The following ATRNL1 variants were observed in gnomAD, a reference collection of about 807,000 sequenced individuals.
ATRNL1 encodes attractin like 1.
In ATRNL1, 95 loss-of-function variants were observed where a neutral mutation model predicts 182.7. The ratio of observed to expected loss-of-function variants is 0.52; its 90% CI spans 0.44 to 0.62. The LOEUF is 0.62. ATRNL1 is among the 20% of genes least tolerant of loss of function. The pLI is 0.00. For missense variants in ATRNL1, 1,471 were observed against 1,679.5 expected, an observed-to-expected ratio of 0.88 and a Z score of 2.17; for synonymous variants, 576 against 568.3, an observed-to-expected ratio of 1.01 and a Z score of -0.19.
At chr10:115,630,157 A>G (rs1858388003) in intron 26 of ATRNL1, among the ~76,000 whole-genome samples, 1 of 152,130 alleles carries the variant, frequency 6.6e-6, no homozygotes, top group Non-Finnish European at 1.5e-5. Context: ...TATGGTTTCA[A>G]TTCTCATACA....
intron 27 of ATRNL1, among the ~76,000 whole-genome samples, chr10:115,822,509 A>T (rs1295475607): frequency 6.6e-6 from 1 of 152,174 alleles, no homozygotes; most frequent in African/African-American, 2.4e-5. Flanking sequence ...TTTTGAAAAG[A>T]TTAACAAAAT....
At chr10:115,335,253 C>A (rs564616365) in intron 19 of ATRNL1, among the ~76,000 whole-genome samples, 1 of 151,910 alleles carries the variant, frequency 6.6e-6, no homozygotes, top group Non-Finnish European at 1.5e-5. Flanking sequence ...TTTAATCTAC[C>A]GTCTCTAAAT....
chr10:115,345,554 A>G (rs1855939182), intron 19 of ATRNL1, among the ~76,000 whole-genome samples: 1 of 152,186 alleles, frequency 6.6e-6, no homozygotes, highest in African/African-American at 2.4e-5. Context: ...AGAAGTTAAC[A>G]CCAGGTACTA....
At chr10:115,815,140 A>G (rs1950131860) in intron 27 of ATRNL1, among the ~76,000 whole-genome samples, 2 of 152,152 alleles carry the variant, frequency 1.3e-5, no homozygotes, top group Non-Finnish European at 2.9e-5. Context: ...GTAGTATGAA[A>G]TGCATAGTTT....
At chr10:115,685,466 A>G (rs1445572968) in intron 26 of ATRNL1, among the ~76,000 whole-genome samples, 11 of 151,820 alleles carry the variant, frequency 7.2e-5, no homozygotes. Context: ...TCTGGCATAT[A>G]ATAAGTATTC....
intron 18 of ATRNL1, among the ~76,000 whole-genome samples, chr10:115,323,063 A>C (rs1267865824): frequency 6.6e-6 from 1 of 152,000 alleles, no homozygotes; most frequent in Non-Finnish European, 1.5e-5. Flanking sequence ...TTTTCAAATA[A>C]TTTTTATTTT....
At chr10:115,738,684 G>A (rs1948053455) in intron 27 of ATRNL1, among the ~76,000 whole-genome samples, 1 of 152,058 alleles carries the variant, frequency 6.6e-6, no homozygotes, top group Non-Finnish European at 1.5e-5. Flanking sequence ...TTTCATGATT[G>A]ATTGAAGCAT....
At chr10:115,199,400 A>G (rs1592246363) in intron 8 of ATRNL1, among the ~76,000 whole-genome samples, 1 of 151,832 alleles carries the variant, frequency 6.6e-6, no homozygotes, top group Non-Finnish European at 1.5e-5. Context: ...CCCCATCTCT[A>G]CTAAAAATAC....
chr10:115,603,549 A>G (rs1173651066), intron 26 of ATRNL1, among the ~76,000 whole-genome samples: 2 of 152,216 alleles, frequency 1.3e-5, no homozygotes, highest in Non-Finnish European at 2.9e-5. Context: ...TACCCTCATA[A>G]AATTTTAAGA....
intron 26 of ATRNL1, among the ~76,000 whole-genome samples, chr10:115,682,669 T>TATGATG (rs144515513): frequency 0.01 from 1,547 of 150,058 alleles, 24 homozygotes; most frequent in African/African-American, 0.035. Context: ...AGATAATACA[T>TATGATG]ATGATGATGA....
intron 21 of ATRNL1, among the ~76,000 whole-genome samples, chr10:115,428,025 C>G (rs1845983356): frequency 6.6e-6 from 1 of 151,720 alleles, no homozygotes; most frequent in African/African-American, 2.4e-5. Flanking sequence ...GGCATGTTAA[C>G]TATAGTGAGT....
intron 27 of ATRNL1, among the ~76,000 whole-genome samples, chr10:115,769,562 C>T (rs542046665): frequency 3.9e-5 from 6 of 152,172 alleles, no homozygotes; most frequent in Non-Finnish European, 8.8e-5. Flanking sequence ...GCACATAGCG[C>T]TCAGTACATT....
At chr10:115,721,383 CAT>C (rs1426064381) in intron 26 of ATRNL1, among the ~76,000 whole-genome samples, 3 of 152,120 alleles carry the variant, frequency 2.0e-5, no homozygotes, top group Admixed American at 2.0e-4. Flanking sequence ...TTGGTATATA[CAT>C]ATATATAAGC....
At chr10:115,562,238 G>C (rs1853801880) in intron 26 of ATRNL1, among the ~76,000 whole-genome samples, 1 of 152,102 alleles carries the variant, frequency 6.6e-6, no homozygotes, top group Non-Finnish European at 1.5e-5. Flanking sequence ...AAAGATCCTT[G>C]AAAACATTAG....
intron 20 of ATRNL1, among the ~76,000 whole-genome samples, chr10:115,422,071 C>A (rs635813): frequency 0.38 from 57,823 of 151,892 alleles, 12,182 homozygotes; most frequent in African/African-American, 0.57. Flanking sequence ...CTTAAATGTA[C>A]GACCCAAAAC....
In ATRNL1 at chr10:115,160,191, C is replaced by T. The variant is rs370549277; in HGVS notation, c.981C>T (p.Tyr327=). The change falls in exon 6 of 29, where the codon TAC becomes TAT. Residue 327 remains tyrosine, a synonymous_variant. Coordinates refer to ENST00000355044, the MANE Select transcript of ATRNL1 (RefSeq NM_207303.4). ...MWVIGGYTFN[Y]SSFQMVLNYN... ...TGATTGGTGGATATACTTTTAACTA[C>T]AGTTCTTTTCAAATGGTCCTAAAGT... The T allele has an allele frequency of 1.9e-5, 30 of 1,611,236 alleles. No homozygotes were observed. Among genetic ancestry groups the T allele is most frequent in the African/African-American group, 2.7e-5 (2 of 74,724 alleles).
intron 17 of ATRNL1, among the ~76,000 whole-genome samples, chr10:115,313,347 G>T (rs1163539075): frequency 6.6e-6 from 1 of 151,692 alleles, no homozygotes; most frequent in Non-Finnish European, 1.5e-5. Context: ...AATGTTTGTA[G>T]TTTATTTTAA....
At chr10:115,715,939 C>A (rs781960083) in intron 26 of ATRNL1, among the ~76,000 whole-genome samples, 1 of 152,164 alleles carries the variant, frequency 6.6e-6, no homozygotes, top group African/African-American at 2.4e-5. Flanking sequence ...CTCCAATGAG[C>A]CTGTGACTTT....
intron 28 of ATRNL1, among the ~76,000 whole-genome samples, chr10:115,850,335 G>A (rs1555100158): frequency 6.6e-6 from 1 of 152,080 alleles, no homozygotes; most frequent in Non-Finnish European, 1.5e-5. Context: ...CAAGAAAAAA[G>A]GCAGTATCTG....
Sources: allele counts gnomAD v4.1 joint callset (sites outside exome capture counted in the v4.1 genomes callset), GRCh38; gene constraint gnomAD v4.1.1; transcripts MANE v1.5; gene names NCBI Gene and HGNC (gene_info 2026-07-23, HGNC 2026-07-21).